The following PAX9 variants were observed in gnomAD, a reference collection of about 807,000 sequenced individuals.
The protein encoded by PAX9 is paired box protein Pax-9.
PAX9 carries 6 observed loss-of-function variants against 29.1 expected under a neutral mutation model. The observed-to-expected ratio is 0.21, with a 90% confidence interval of 0.11 to 0.41. The LOEUF (loss-of-function observed/expected upper bound fraction) is 0.41, where lower values mean the gene tolerates loss of function less well. Among genes scored for constraint, PAX9 ranks in the 10% least tolerant of loss-of-function variants. PAX9 has a pLI of 1.00. For missense variants in PAX9, 443 were observed against 479.1 expected (o/e 0.92, Z 0.70); for synonymous variants, 217 against 211.7 (o/e 1.03, Z -0.22).
upstream of PAX9, among the ~76,000 whole-genome samples, chr14:36,661,359 G>A (rs778354182): frequency 6.6e-6 from 1 of 152,180 alleles, no homozygotes; most frequent in Non-Finnish European, 1.5e-5. Context: ...TCACACCTGC[G>A]CTCTCGCCAC....
chr14:36,670,694 A>C (rs188794521), intron 3 of PAX9, among the ~76,000 whole-genome samples: 2 of 152,100 alleles, frequency 1.3e-5, no homozygotes, highest in African/African-American at 2.4e-5. Flanking sequence ...TTTAACCAGT[A>C]GTATTTCAAA....
At chr14:36,671,013 G>T (rs1881676034) in intron 3 of PAX9, 1 of 423,166 alleles carries the variant, frequency 2.4e-6, no homozygotes, top group Non-Finnish European at 4.6e-6. Context: ...AGAAAAATGA[G>T]TTCACCAAAA....
chr14:36,663,944 G>T (rs1566469178), intron 2 of PAX9, among the ~76,000 whole-genome samples: 1 of 152,270 alleles, frequency 6.6e-6, no homozygotes, highest in Non-Finnish European at 1.5e-5. Flanking sequence ...AGAGCAGCTT[G>T]CTTGGGGATC....
At chr14:36,668,201 G>A (rs576505234) in intron 3 of PAX9, among the ~76,000 whole-genome samples, 1 of 152,260 alleles carries the variant, frequency 6.6e-6, no homozygotes, top group Admixed American at 6.5e-5. Flanking sequence ...AATAGAAAGA[G>A]TGTATATAAA....
upstream of PAX9, among the ~76,000 whole-genome samples, chr14:36,659,907 C>A (rs760491508): frequency 2.0e-5 from 3 of 152,122 alleles, no homozygotes; most frequent in Non-Finnish European, 2.9e-5. Flanking sequence ...GTCCCCAGAC[C>A]CCCCGCGGGA....
At chr14:36,673,794 C>T (rs1467012465) in intron 3 of PAX9, among the ~76,000 whole-genome samples, 3 of 152,160 alleles carry the variant, frequency 2.0e-5, no homozygotes, top group Non-Finnish European at 2.9e-5. Context: ...TTGTTTCTGC[C>T]ATGTATAATA....
At chr14:36,668,219 C>T (rs1881575638) in intron 3 of PAX9, among the ~76,000 whole-genome samples, 1 of 152,030 alleles carries the variant, frequency 6.6e-6, no homozygotes, top group African/African-American at 2.4e-5. Flanking sequence ...AAAGCACCTA[C>T]CATAGAAGCA....
In PAX9 at chr14:36,663,009, G is replaced by T. The variant is rs751783950; in HGVS notation, c.117G>T (p.Pro39=). ...AACTGGCCCAACTGGGCATCCGACC[G>T]TGTGACATCAGCCGCCAGCTACGGG... The part of the protein sequence containing the change: ...IVELAQLGIR[P]CDISRQLRVS... Residue 39 remains proline, a synonymous_variant, in exon 2 of 4, where the codon CCG becomes CCT. Coordinates refer to ENST00000361487, the MANE Select transcript of PAX9 (RefSeq NM_001372076.1). 3 of 1,613,740 alleles carry T rather than the reference G, an allele frequency of 1.9e-6. No homozygotes were observed. Among genetic ancestry groups the T allele is most frequent in the South Asian group, 2.2e-5 (2 of 91,084 alleles).
chr14:36,676,516 T>A lies in PAX9; in HGVS notation c.*64T>A. The A allele has an allele frequency of 6.3e-7, 1 of 1,584,888 alleles. No homozygotes were observed. The highest frequency in any genetic ancestry group is 8.6e-7 in the Non-Finnish European group (1 of 1,167,810). ...CTGTCTCAGCACCTCCTCCCCCAATTCCCAGGTCTCACATCCCACCCCTCC... is the reference window on the plus strand; with the variant it reads ...CTGTCTCAGCACCTCCTCCCCCAATACCCAGGTCTCACATCCCACCCCTCC... On this transcript the variant is annotated 3_prime_UTR_variant, in exon 4 of 4. Coordinates refer to ENST00000361487, the MANE Select transcript of PAX9 (RefSeq NM_001372076.1).
Position 36,678,414 on chromosome 14 carries a change from C to T in PAX9, c.*1962C>T, listed in dbSNP as rs966551035. On this transcript the variant is annotated 3_prime_UTR_variant, in exon 4 of 4. Coordinates refer to ENST00000361487, the MANE Select transcript of PAX9 (RefSeq NM_001372076.1). Reference sequence around the variant, plus strand: ...TCAGGAGAAGAATAAGCAGAAGGAGCAGATGAACTCTCAGGGCCATAGTCT... The same window carrying T: ...TCAGGAGAAGAATAAGCAGAAGGAGTAGATGAACTCTCAGGGCCATAGTCT... 4 of 1,220,342 alleles carry T rather than the reference C, an allele frequency of 3.3e-6. No homozygotes were observed. Among genetic ancestry groups the T allele is most frequent in the African/African-American group, 1.5e-5 (1 of 66,584 alleles). The allele number at this position is 1,220,342 out of a possible 1,614,324, so 75.6% of individuals were successfully genotyped here. A position where few individuals can be genotyped will look rare whatever the true frequency, so the allele number is the denominator to read the frequency against.
In PAX9 at chr14:36,666,446, C is replaced by T. The variant is rs1225076456; in HGVS notation, c.632-16C>T. The T allele has an allele frequency of 6.2e-7, 1 of 1,609,220 alleles. No individual in the cohort carries two copies. The highest frequency in any genetic ancestry group is 8.5e-7 in the Non-Finnish European group (1 of 1,178,428). ...GGCTGGGCCTCCGGCCTGACACCCT[C>T]TCTTCTCTCCATCAGTGAGCGACAG... On this transcript the variant is annotated splice_polypyrimidine_tract_variant and intron_variant, in intron 2 of 3. Coordinates refer to ENST00000361487, the MANE Select transcript of PAX9 (RefSeq NM_001372076.1).
intron 1 of PAX9, 143 bp from the exon 2 acceptor site, chr14:36,662,753 AC>A: frequency 1.1e-6 from 1 of 919,518 alleles, no homozygotes; most frequent in Non-Finnish European, 1.7e-6. Flanking sequence ...ATGTTCAGGG[AC>A]CATATGGTTT....
rs1213170568 is a variant in PAX9, at chr14:36,678,284, A to AGAG, written c.*1833_*1835dup. ...AGATTTCTGACACACAAATTATGTT[A>AGAG]GAGTGACTGCTTTTTTCAGACAGCA... On this transcript the variant is annotated 3_prime_UTR_variant, in exon 4 of 4. Coordinates refer to ENST00000361487, the MANE Select transcript of PAX9 (RefSeq NM_001372076.1). The AGAG allele has an allele frequency of 5.9e-5, 34 of 578,592 alleles. No homozygotes were observed. Among genetic ancestry groups the AGAG allele is most frequent in the Non-Finnish European group, 9.5e-5 (31 of 324,936 alleles). The allele number at this position is 578,592 out of a possible 1,614,324, so 35.8% of individuals were successfully genotyped here.
In PAX9 at chr14:36,678,649, G is replaced by A; in HGVS notation, c.*2197G>A. The A allele has an allele frequency of 7.9e-7, 1 of 1,261,248 alleles. No individual in the cohort carries two copies. Among genetic ancestry groups the A allele is most frequent in the African/African-American group, 1.5e-5 (1 of 65,648 alleles). The allele number at this position is 1,261,248 out of a possible 1,614,324, so 78.1% of individuals were successfully genotyped here. On this transcript the variant is annotated 3_prime_UTR_variant, in exon 4 of 4. Coordinates refer to ENST00000361487, the MANE Select transcript of PAX9 (RefSeq NM_001372076.1). ...CAAATGTTTTTAGGTGGCTGTTAGG[G>A]GGCTTTAAAAAATATTACTTGCTTG...
In PAX9 at chr14:36,676,682, A is replaced by G; in HGVS notation, c.*230A>G. 1 of 582,140 alleles carries G rather than the reference A, an allele frequency of 1.7e-6. No homozygotes were observed. 36.1% of individuals were successfully genotyped at this position (582,140 alleles called of 1,614,324 possible). A position where few individuals can be genotyped will look rare whatever the true frequency, so the allele number is the denominator to read the frequency against. ...TTAGGATTTAAAAACAAGAGCAACA[A>G]TAAGCATTGAATGAGACATTTGTGT... On this transcript the variant is annotated 3_prime_UTR_variant, in exon 4 of 4. Coordinates refer to ENST00000361487, the MANE Select transcript of PAX9 (RefSeq NM_001372076.1).
chr14:36,678,676 G>A lies in PAX9; in HGVS notation c.*2224G>A. ...GCTTTAAAAAATATTACTTGCTTGT[G>A]TGGAAATGCAAATAATGTTATTTTC... On this transcript the variant is annotated 3_prime_UTR_variant, in exon 4 of 4. Transcript: ENST00000361487. 8.0e-7 allele frequency: 1 copy of A among 1,256,842 alleles called. No individual in the cohort carries two copies. Among genetic ancestry groups the A allele is most frequent in the South Asian group, 3.5e-5 (1 of 28,426 alleles). The allele number at this position is 1,256,842 out of a possible 1,614,324, so 77.9% of individuals were successfully genotyped here.
chr14:36,679,015 T>TA lies in PAX9; in HGVS notation c.*2566dup, dbSNP rs3061566. 5.6e-5 allele frequency: 55 copies of TA among 984,560 alleles called. No homozygotes were observed. In the South Asian group the frequency reaches 2.5e-3, roughly 45 times the overall value. 61.0% of individuals were successfully genotyped at this position (984,560 alleles called of 1,614,324 possible). On this transcript the variant is annotated 3_prime_UTR_variant, in exon 4 of 4. Transcript: ENST00000361487. ...TCATAGATGGTAAAAGTGTTGCTTT[T>TA]AAACTGGCAAATGCACTCTTCAGAA...
intron 3 of PAX9, among the ~76,000 whole-genome samples, chr14:36,669,085 A>T (rs1393816910): frequency 6.6e-6 from 1 of 152,178 alleles, no homozygotes; most frequent in Non-Finnish European, 1.5e-5. Context: ...TCAAAACCTG[A>T]AAAGTTTCTA....
chr14:36,661,536 G>T (rs891138885), upstream of PAX9, among the ~76,000 whole-genome samples: 3 of 152,154 alleles, frequency 2.0e-5, no homozygotes, highest in Non-Finnish European at 4.4e-5. Flanking sequence ...GATGTCCATC[G>T]TTCCCCGGAG....
Sources: allele counts gnomAD v4.1 joint callset (sites outside exome capture counted in the v4.1 genomes callset), GRCh38; gene constraint gnomAD v4.1.1; transcripts MANE v1.5; gene names NCBI Gene and HGNC (gene_info 2026-07-23, HGNC 2026-07-21).